The following SKOR2 variants were observed in gnomAD, a reference collection of about 807,000 sequenced individuals.
SKOR2 encodes the protein SKI family transcriptional corepressor 2.
SKOR2 carries 47 observed loss-of-function variants against 69.1 expected under a neutral mutation model. The observed-to-expected ratio is 0.68, with a 90% CI of 0.54 to 0.87. The LOEUF (loss-of-function observed/expected upper bound fraction) is 0.87, where lower values mean the gene tolerates loss of function less well. Among genes scored for constraint, SKOR2 ranks in the 40% least tolerant of loss-of-function variants. The pLI, the probability that SKOR2 is intolerant of heterozygous loss-of-function variation, is 0.00. For synonymous variants in SKOR2, 717 were observed against 672.6 expected (o/e 1.07, Z -1.02); for missense variants, 1,404 against 1,472.2 (o/e 0.95, Z 0.76).
chr18:47,237,103 A>G (rs963455822), intron 4 of SKOR2, among the ~76,000 whole-genome samples: 25 of 152,322 alleles, frequency 1.6e-4, no homozygotes, highest in African/African-American at 5.5e-4. Context: ...AGAAATACCA[A>G]CTAACGCTAT....
intron 6 of SKOR2, among the ~76,000 whole-genome samples, chr18:47,222,513 G>T (rs943070541): frequency 3.3e-5 from 5 of 152,166 alleles, no homozygotes; most frequent in African/African-American, 1.2e-4. Flanking sequence ...TGGGTCTAAG[G>T]GTACAGGGCA....
At chr18:47,241,201 T>G (rs911922530) in intron 4 of SKOR2, among the ~76,000 whole-genome samples, 2 of 152,178 alleles carry the variant, frequency 1.3e-5, no homozygotes, top group African/African-American at 4.8e-5. Flanking sequence ...CAAAGATATT[T>G]GTGGAGTAAA....
chr18:47,208,150 T>C (rs778940605), intron 8 of SKOR2, among the ~76,000 whole-genome samples: 4 of 152,144 alleles, frequency 2.6e-5, no homozygotes, highest in African/African-American at 4.8e-5. Flanking sequence ...AGAAATGGCA[T>C]CAGATCTGGC....
intron 4 of SKOR2, 51 bp downstream of exon 4, chr18:47,244,857 C>G: frequency 6.2e-6 from 9 of 1,460,530 alleles, no homozygotes; most frequent in Non-Finnish European, 8.3e-6. Flanking sequence ...GAATTTCAGC[C>G]CCTCTCCCTG....
At chr18:47,231,054 G>C (rs865782655) in intron 4 of SKOR2, 54 bp from the exon 5 acceptor site, 3 of 1,534,510 alleles carry the variant, frequency 2.0e-6, no homozygotes, top group Middle Eastern at 1.7e-4. Context: ...AGTTCTGTAA[G>C]TTTTCCTTTA....
chr18:47,248,938 G>A lies in SKOR2; in HGVS notation c.246C>T (p.Asn82=). The change falls in exon 2 of 9, where the codon AAC becomes AAT. Residue 82 remains asparagine (N), a synonymous_variant. Coordinates refer to ENST00000425639, the MANE Select transcript of SKOR2 (RefSeq NM_001278063.4). The surrounding 1 kb of genome is among the most constrained non-coding windows in gnomAD (Gnocchi z 6.4). ...ACGTGATGCCCAGTGCCACGCGACGGTTGTGGATCTCGTTGTAGCTGAAGT... is the reference window on the plus strand; with the variant it reads ...ACGTGATGCCCAGTGCCACGCGACGATTGTGGATCTCGTTGTAGCTGAAGT... ...LKNFSYNEIH[N]RRVALGITCV... is the part of the protein sequence containing the mutation. The A allele has an allele frequency of 6.3e-7, 1 of 1,576,860 alleles. No homozygotes were observed. The highest frequency in any genetic ancestry group is 1.1e-5 in the South Asian group (1 of 87,466).
chr18:47,239,811 A>T (rs1279631146), intron 4 of SKOR2, among the ~76,000 whole-genome samples: 2 of 152,212 alleles, frequency 1.3e-5, no homozygotes, highest in Non-Finnish European at 2.9e-5. Context: ...ATTGTACATA[A>T]CTAAATGTTG....
chr18:47,250,540 C>T (rs1292629881), intron 1 of SKOR2, among the ~76,000 whole-genome samples: 2 of 152,230 alleles, frequency 1.3e-5, no homozygotes, highest in Admixed American at 6.5e-5. Context: ...TGGCCCCTTT[C>T]GGCCACGTAC....
chr18:47,224,851 C>T (rs1243489312), intron 6 of SKOR2, among the ~76,000 whole-genome samples: 3 of 152,092 alleles, frequency 2.0e-5, no homozygotes, highest in Non-Finnish European at 4.4e-5. Flanking sequence ...AACTTCTGGG[C>T]TCAAGCAATC....
chr18:47,211,216 G>C (rs908041504), intron 8 of SKOR2, among the ~76,000 whole-genome samples: 1 of 152,142 alleles, frequency 6.6e-6, no homozygotes, highest in Non-Finnish European at 1.5e-5. Flanking sequence ...GGAGGAGTGG[G>C]AAGAGTCATT....
At chr18:47,232,619 C>T (rs1157277484) in intron 4 of SKOR2, among the ~76,000 whole-genome samples, 1 of 152,176 alleles carries the variant, frequency 6.6e-6, no homozygotes, top group East Asian at 1.9e-4. Context: ...GTGCTGTTTC[C>T]TTACTCCCCT....
intron 8 of SKOR2, among the ~76,000 whole-genome samples, chr18:47,210,840 G>A (rs2064125786): frequency 6.6e-6 from 1 of 152,038 alleles, no homozygotes; most frequent in African/African-American, 2.4e-5. Flanking sequence ...ATTAGGAAGA[G>A]GCAGGCACTA....
intron 8 of SKOR2, among the ~76,000 whole-genome samples, chr18:47,207,561 A>G (rs936728772): frequency 1.3e-5 from 2 of 152,186 alleles, no homozygotes; most frequent in Admixed American, 1.3e-4. Flanking sequence ...AGATTAAATA[A>G]GATAATCGAC....
At chr18:47,243,358 A>C (rs1457309567) in intron 4 of SKOR2, among the ~76,000 whole-genome samples, 1 of 152,242 alleles carries the variant, frequency 6.6e-6, no homozygotes, top group Non-Finnish European at 1.5e-5. Context: ...TCTGGGACTA[A>C]GGAATGTTTC....
chr18:47,208,430 T>C (rs565553081), intron 8 of SKOR2, among the ~76,000 whole-genome samples: 4 of 152,212 alleles, frequency 2.6e-5, no homozygotes, highest in Non-Finnish European at 4.4e-5. Flanking sequence ...AATGAGTTTC[T>C]GCATGACTAT....
In SKOR2 at chr18:47,246,850, G is replaced by T. The variant is rs2064277245; in HGVS notation, c.2334C>A (p.Gly778=). 1 of 1,482,202 alleles carries T rather than the reference G, an allele frequency of 6.7e-7. No individual in the cohort carries two copies. 91.8% of individuals were successfully genotyped at this position (1,482,202 alleles called of 1,614,324 possible). A position where few individuals can be genotyped will look rare whatever the true frequency, so the allele number is the denominator to read the frequency against. ...ACCGGCCGCCCCCGACTAAGGGGTCGCCGAGTAGGACCTCCGTCTCCTCGT... is the reference window on the plus strand; with the variant it reads ...ACCGGCCGCCCCCGACTAAGGGGTCTCCGAGTAGGACCTCCGTCTCCTCGT... The part of the protein sequence containing the change: ...EEDEETEVLL[G]DPLVGGGRFL... Residue 778 remains glycine (G), a synonymous_variant, in exon 2 of 9, where the codon GGC becomes GGA. Coordinates refer to ENST00000425639, the MANE Select transcript of SKOR2 (RefSeq NM_001278063.4).
intron 8 of SKOR2, among the ~76,000 whole-genome samples, chr18:47,208,432 C>A (rs984492014): frequency 1.7e-4 from 26 of 152,162 alleles, no homozygotes; most frequent in Non-Finnish European, 2.4e-4. Context: ...TGAGTTTCTG[C>A]ATGACTATGA....
At chr18:47,240,836 G>A (rs1286817973) in intron 4 of SKOR2, among the ~76,000 whole-genome samples, 2 of 152,186 alleles carry the variant, frequency 1.3e-5, no homozygotes, top group Non-Finnish European at 2.9e-5. Flanking sequence ...ATTTATGGTT[G>A]CCACGGGAGT....
chr18:47,224,407 C>G (rs2064171778), intron 6 of SKOR2, among the ~76,000 whole-genome samples: 1 of 152,142 alleles, frequency 6.6e-6, no homozygotes, highest in Admixed American at 6.5e-5. Flanking sequence ...ACTGCAAACT[C>G]AGACAGCTGG....
Sources: allele counts gnomAD v4.1 joint callset (sites outside exome capture counted in the v4.1 genomes callset), GRCh38; gene constraint gnomAD v4.1.1; non-coding constraint Gnocchi (gnomAD v3.1); transcripts MANE v1.5; gene names NCBI Gene and HGNC (gene_info 2026-07-23, HGNC 2026-07-21).